The following UBE4B variants were observed in gnomAD, a reference collection of about 807,000 sequenced individuals.
UBE4B encodes ubiquitin conjugation factor E4 B.
A neutral mutation model predicts 148.1 loss-of-function variants in UBE4B; 27 were observed. The observed-to-expected ratio is 0.18, with a 90% CI of 0.13 to 0.25. UBE4B has a LOEUF of 0.25. Ranked by LOEUF, UBE4B falls within the 10% of genes least tolerant of loss-of-function variation. The pLI is 1.00. For synonymous variants in UBE4B, 596 were observed against 619.3 expected (o/e 0.96, Z 0.56); for missense variants, 1,170 against 1,662.4 (o/e 0.70, Z 5.15).
At chr1:10,062,520 C>T (rs1311916435) in intron 1 of UBE4B, among the ~76,000 whole-genome samples, 1 of 151,376 alleles carries the variant, frequency 6.6e-6, no homozygotes, top group Non-Finnish European at 1.5e-5. Context: ...GCCATTTTGG[C>T]GAGGCTGGTC....
intron 23 of UBE4B, among the ~76,000 whole-genome samples, chr1:10,167,441 A>AAATAATAATAAT (rs200457569): frequency 0.026 from 3,886 of 147,126 alleles, 157 homozygotes; most frequent in African/African-American, 0.085. Flanking sequence ...CCGTCTCAAA[A>AAATAATAATAAT]AATAATAATA....
At chr1:10,104,246 A>G (rs894608767) in intron 5 of UBE4B, among the ~76,000 whole-genome samples, 1 of 152,154 alleles carries the variant, frequency 6.6e-6, no homozygotes, top group Admixed American at 6.5e-5. Context: ...CTGATATTCC[A>G]CTTTAAGAGG....
intron 2 of UBE4B, among the ~76,000 whole-genome samples, chr1:10,094,656 A>G (rs568666030): frequency 8.8e-4 from 134 of 151,948 alleles, no homozygotes; most frequent in South Asian, 5.6e-3. Context: ...GGATGGTCTC[A>G]ATCTCCTGAC....
At position 10,161,134 on chromosome 1, in the gene UBE4B, C is replaced by CT. The variant is rs747396842; in HGVS notation, c.3054-5dup. On this transcript the variant is annotated splice_polypyrimidine_tract_variant and splice_region_variant and intron_variant, in intron 22 of 27. Transcript: ENST00000343090. This position sits in a 1 kb window ranked among gnomAD's most constrained non-coding sequence, Gnocchi z 4.1. ...GTATGACCATGTACAATATAATTGC[C>CT]TTTCCAGCTCCGGGAAGCAGTTTGT... 3 of 1,613,692 alleles carry CT rather than the reference C, an allele frequency of 1.9e-6. No homozygotes were observed. Among genetic ancestry groups the CT allele is most frequent in the Non-Finnish European group, 2.5e-6 (3 of 1,179,804 alleles).
At chr1:10,056,048 C>G (rs142380751) in intron 1 of UBE4B, among the ~76,000 whole-genome samples, 1 of 152,308 alleles carries the variant, frequency 6.6e-6, no homozygotes, top group African/African-American at 2.4e-5. Flanking sequence ...CCACTTCTAT[C>G]CCCTGGGATG....
rs1420153679 is a variant in UBE4B, at chr1:10,119,514, T to C, written c.1340T>C (p.Met447Thr). 6.2e-7 allele frequency: 1 copy of C among 1,613,590 alleles called. No individual in the cohort carries two copies. The highest frequency in any genetic ancestry group is 1.7e-5 in the Admixed American group (1 of 60,012). ...CTCACTTCCACCTTTCCTTTTCAGATGTGCAGCCAGCCAGCAGTCAGCCAG... is the reference window on the plus strand; with the variant it reads ...CTCACTTCCACCTTTCCTTTTCAGACGTGCAGCCAGCCAGCAGTCAGCCAG... Reference protein sequence around the residue: ...VGIEEKKAPKMCSQPAVSQLL... With the variant: ...VGIEEKKAPKTCSQPAVSQLL... Residue 447 changes from methionine to threonine, a missense_variant and splice_region_variant, in exon 9 of 28, where the codon ATG becomes ACG. Physicochemically the swap from Met to Thr is moderately conservative, Grantham distance 81. Transcript: ENST00000343090.
At chr1:10,130,053 C>T (rs758836378) in intron 12 of UBE4B, among the ~76,000 whole-genome samples, 5 of 152,002 alleles carry the variant, frequency 3.3e-5, no homozygotes, top group Non-Finnish European at 7.4e-5. Flanking sequence ...ATTTGAACTT[C>T]ATCCAATAGT....
At chr1:10,072,423 C>T (rs573225281) in intron 2 of UBE4B, 19 of 679,198 alleles carry the variant, frequency 2.8e-5, no homozygotes, top group Non-Finnish European at 4.6e-5. Flanking sequence ...CTTTTCTTTC[C>T]ATAACTTCCA....
intron 21 of UBE4B, among the ~76,000 whole-genome samples, chr1:10,152,259 A>AAATAATAATAAT (rs60838123): frequency 4.1e-4 from 58 of 141,340 alleles, no homozygotes; most frequent in South Asian, 3.2e-3. Context: ...ACTCCGTCTC[A>AAATAATAATAAT]AATAATAATA....
rs34527607 is a variant in UBE4B at position 10,123,427 on chromosome 1, CAAAAAAAAAAA to C, written c.1554+1367_1554+1377del. 3.1e-4 allele frequency among the ~76,000 whole-genome samples: 11 copies of C among 35,680 alleles called. No homozygotes were observed. In the East Asian group the frequency reaches 6.5e-3, roughly 21 times the overall value. The allele number at this position is 35,680 out of a possible 152,430, so 23.4% of individuals were successfully genotyped here. A position where few individuals can be genotyped will look rare whatever the true frequency, so the allele number is the denominator to read the frequency against. On this transcript the variant is annotated intron_variant, in intron 10 of 27. Coordinates refer to ENST00000343090, the MANE Select transcript of UBE4B (RefSeq NM_001105562.3). ...CCTGGGTGACAGAGCAAGACTGTCT[CAAAAAAAAAAA>C]AAAAAAAAAAAAAAATTACTGTCTT...
At chr1:10,054,582 TG>T in intron 1 of UBE4B, 1 of 285,600 alleles carries the variant, frequency 3.5e-6, no homozygotes, top group South Asian at 3.9e-5. Context: ...TAGGAAATGA[TG>T]CTGGCCTTTA....
At chr1:10,151,172 A>T (rs1645969827) in intron 20 of UBE4B, among the ~76,000 whole-genome samples, 154 bp from the exon 21 acceptor site, 1 of 151,920 alleles carries the variant, frequency 6.6e-6, no homozygotes, top group Admixed American at 6.6e-5. Flanking sequence ...CAAAAAAAAA[A>T]AAAAGTCACT....
rs1319899768 is a variant in UBE4B at position 10,168,651 on chromosome 1, G to A, written c.3333+381G>A. ...CTCACGCCTGTAATCCCAGCACTTTGGGAGCCCAAGGCGGGCAGATCACGA... is the reference window on the plus strand; with the variant it reads ...CTCACGCCTGTAATCCCAGCACTTTAGGAGCCCAAGGCGGGCAGATCACGA... On this transcript the variant is annotated intron_variant, in intron 24 of 27. Coordinates refer to ENST00000343090, the MANE Select transcript of UBE4B (RefSeq NM_001105562.3). This position sits in a 1 kb window ranked among gnomAD's most constrained non-coding sequence, Gnocchi z 4.9. Among the ~76,000 whole-genome samples the A allele has an allele frequency of 2.0e-5, 3 of 152,148 alleles. No individual in the cohort carries two copies. Among genetic ancestry groups the A allele is most frequent in the Non-Finnish European group, 4.4e-5 (3 of 68,032 alleles).
intron 7 of UBE4B, among the ~76,000 whole-genome samples, chr1:10,113,413 C>CA (rs1645254711): frequency 6.6e-6 from 1 of 152,196 alleles, no homozygotes; most frequent in Non-Finnish European, 1.5e-5. Flanking sequence ...CCAACCATAT[C>CA]AATCACCAAA....
intron 1 of UBE4B, chr1:10,054,777 T>G (rs1644128854): frequency 6.2e-6 from 1 of 160,586 alleles, no homozygotes. Context: ...TAATATTATC[T>G]TTCTCCTTTT....
intron 25 of UBE4B, among the ~76,000 whole-genome samples, chr1:10,175,405 A>G (rs372184745): frequency 6.6e-6 from 1 of 152,114 alleles, no homozygotes; most frequent in African/African-American, 2.4e-5. Flanking sequence ...TAATCCCAGC[A>G]CTTTGGGAGG....
At position 10,134,337 on chromosome 1, in the gene UBE4B, C is replaced by T. The variant is rs552006096; in HGVS notation, c.2026-651C>T. 2.4e-4 allele frequency among the ~76,000 whole-genome samples: 36 copies of T among 151,894 alleles called. 1 individual carries two copies. The East Asian group carries it at 6.4e-3, about 27-fold the overall frequency. ...ACCAGCCTGGCCAATATGGTGAAAC[C>T]CCATCTCTACTAAAAATACAAAAAA... On this transcript the variant is annotated intron_variant, in intron 15 of 27. Coordinates refer to ENST00000343090, the MANE Select transcript of UBE4B (RefSeq NM_001105562.3).
At chr1:10,079,580 T>G (rs1313758218) in intron 2 of UBE4B, among the ~76,000 whole-genome samples, 2 of 152,262 alleles carry the variant, frequency 1.3e-5, no homozygotes, top group Non-Finnish European at 2.9e-5. Context: ...TATTAATGAT[T>G]TAAATGAAAG....
chr1:10,114,856 T>G (rs1355540911), intron 7 of UBE4B, among the ~76,000 whole-genome samples: 1 of 151,928 alleles, frequency 6.6e-6, no homozygotes, highest in South Asian at 2.1e-4. Flanking sequence ...AGAGCGAGAC[T>G]CCATCTCAAA....
Sources: allele counts gnomAD v4.1 joint callset (sites outside exome capture counted in the v4.1 genomes callset), GRCh38; gene constraint gnomAD v4.1.1; non-coding constraint Gnocchi (gnomAD v3.1); transcripts MANE v1.5; gene names NCBI Gene and HGNC (gene_info 2026-07-23, HGNC 2026-07-21).